CHM: variants seen among roughly 807,000 people sequenced by gnomAD.
The protein encoded by CHM is rab proteins geranylgeranyltransferase component A 1.
In CHM, 10 loss-of-function variants were observed where a neutral mutation model predicts 49.0. That is an observed-to-expected ratio of 0.20 (90% CI 0.13 to 0.35). The LOEUF is 0.35. Ranked by LOEUF, CHM falls within the 10% of genes least tolerant of loss-of-function variation. CHM has a pLI of 1.00. For missense variants in CHM, 455 were observed against 478.4 expected (o/e 0.95, Z 0.46); for synonymous variants, 184 against 167.5 (o/e 1.10, Z -0.76).
At chrX:85,978,985 T>G (rs1931447368) in intron 3 of CHM, 94 bp from the exon 4 acceptor site, 2 of 924,964 alleles carry the variant, frequency 2.2e-6, no homozygotes, top group African/African-American at 3.9e-5. Context: ...AAATTCATGC[T>G]TATTTCATCT....
intron 2 of CHM, among the ~76,000 whole-genome samples, chrX:86,004,604 T>G (rs62607860): frequency 0.18 from 19,349 of 110,412 alleles, 1,550 homozygotes; most frequent in Middle Eastern, 0.26. Context: ...AAAAGCAGGG[T>G]TTGCAATTCT....
At chrX:85,948,984 G>A (rs1929569908) in intron 8 of CHM, among the ~76,000 whole-genome samples, 1 of 111,591 alleles carries the variant, frequency 9.0e-6, no homozygotes, top group Non-Finnish European at 1.9e-5. Context: ...GAACTCAAGA[G>A]AATTACCCAG....
intron 2 of CHM, among the ~76,000 whole-genome samples, chrX:86,025,180 A>C (rs895993188): frequency 2.0e-4 from 22 of 111,913 alleles, no homozygotes; most frequent in African/African-American, 6.5e-4. Flanking sequence ...CAAGAGAAGA[A>C]GAAAAGTTTC....
At chrX:85,932,247 T>C (rs745776959) in intron 8 of CHM, among the ~76,000 whole-genome samples, 19 of 111,896 alleles carry the variant, frequency 1.7e-4, no homozygotes, top group Non-Finnish European at 3.0e-4. Flanking sequence ...TAGGCCAATT[T>C]TATTAGTACA....
At chrX:85,947,367 C>T (rs896006379) in intron 8 of CHM, among the ~76,000 whole-genome samples, 4 of 111,825 alleles carry the variant, frequency 3.6e-5, no homozygotes, top group African/African-American at 1.3e-4. Context: ...CACCTTGGTG[C>T]TGCCCTCATG....
At chrX:85,899,560 C>A (rs1569404729) in intron 11 of CHM, among the ~76,000 whole-genome samples, 1 of 109,932 alleles carries the variant, frequency 9.1e-6, no homozygotes, top group Non-Finnish European at 1.9e-5. Flanking sequence ...GATGGAAATC[C>A]TTAAGAAACC....
intron 5 of CHM, among the ~76,000 whole-genome samples, chrX:85,961,500 G>A (rs377502137): frequency 2.3e-4 from 24 of 104,587 alleles, no homozygotes; most frequent in African/African-American, 7.3e-4. Context: ...AAACTTAGAC[G>A]TTTATTAACT....
chrX:85,966,167 T>G lies in CHM; in HGVS notation c.315-2115A>C, dbSNP rs749701957. Among the ~76,000 whole-genome samples, 9 of 110,146 alleles carry G rather than the reference T, an allele frequency of 8.2e-5. No homozygotes were observed. In the East Asian group the frequency reaches 2.6e-3, roughly 31 times the overall value. ...GAGTTCAAGACCAGCCTGACCAACA[T>G]GGTGAAACCTAGTCTCTACTAAAAT... On this transcript the variant is annotated intron_variant, in intron 4 of 14. Coordinates refer to ENST00000357749, the MANE Select transcript of CHM (RefSeq NM_000390.4).
chrX:85,970,414 A>T, intron 4 of CHM: 4 of 753,681 alleles, frequency 5.3e-6, no homozygotes, highest in Non-Finnish European at 6.3e-6. Context: ...GTCTTCACAA[A>T]GGAAATACTT....
chrX:85,946,920 G>A, intron 8 of CHM, among the ~76,000 whole-genome samples: 2 of 112,737 alleles, frequency 1.8e-5, no homozygotes, highest in Middle Eastern at 4.6e-3. Flanking sequence ...AAGGCCTTGG[G>A]AGCCCACTCC....
chrX:85,947,162 T>C (rs1404013306), intron 8 of CHM, among the ~76,000 whole-genome samples: 1 of 112,243 alleles, frequency 8.9e-6, no homozygotes, highest in Non-Finnish European at 1.9e-5. Flanking sequence ...GTGGGGATTA[T>C]TGAAAAGGGA....
intron 14 of CHM, among the ~76,000 whole-genome samples, chrX:85,867,705 G>A (rs886815888): frequency 9.0e-5 from 10 of 111,465 alleles, no homozygotes; most frequent in Middle Eastern, 4.6e-3. Flanking sequence ...CTCAATTTCC[G>A]AGCTTTGGCT....
chrX:85,869,863 T>C (rs749386559), intron 14 of CHM, among the ~76,000 whole-genome samples: 1 of 112,453 alleles, frequency 8.9e-6, no homozygotes, highest in African/African-American at 3.2e-5. Context: ...GCTAATTATA[T>C]TGTGACTTGG....
At chrX:85,996,312 C>T (rs1472850311) in intron 2 of CHM, among the ~76,000 whole-genome samples, 3 of 111,857 alleles carry the variant, frequency 2.7e-5, no homozygotes, top group African/African-American at 9.7e-5. Flanking sequence ...CTAAATTTCT[C>T]ACCCAATTCT....
At chrX:85,972,045 TAC>T (rs1250758923) in intron 4 of CHM, among the ~76,000 whole-genome samples, 2 of 110,197 alleles carry the variant, frequency 1.8e-5, no homozygotes, top group Non-Finnish European at 3.8e-5. Context: ...AGCAGCTAGA[TAC>T]AGAGTGTCGA....
chrX:85,990,036 T>C (rs1439195508), intron 2 of CHM, among the ~76,000 whole-genome samples: 2 of 112,117 alleles, frequency 1.8e-5, no homozygotes, highest in Non-Finnish European at 3.8e-5. Flanking sequence ...GACACATGCA[T>C]GCAAATGTTC....
chrX:85,885,261 G>A (rs1453050969), intron 12 of CHM, among the ~76,000 whole-genome samples: 1 of 109,310 alleles, frequency 9.1e-6, no homozygotes, highest in Non-Finnish European at 1.9e-5. Flanking sequence ...TCATCTGCTT[G>A]GATTTATCTA....
At chrX:85,917,017 A>C (rs1055132127) in intron 8 of CHM, among the ~76,000 whole-genome samples, 1 of 112,508 alleles carries the variant, frequency 8.9e-6, no homozygotes, top group Non-Finnish European at 1.9e-5. Flanking sequence ...AGCACTCTTC[A>C]CAACGGCAAA....
chrX:85,985,516 G>T (rs1296200156), intron 2 of CHM, among the ~76,000 whole-genome samples: 2 of 110,548 alleles, frequency 1.8e-5, no homozygotes, highest in Non-Finnish European at 3.8e-5. Context: ...GCCAACCAGG[G>T]ACGGAAGCGG....
Sources: gnomAD v4.1 joint callset for allele counts (sites outside exome capture counted in the v4.1 genomes callset) on GRCh38, gnomAD v4.1.1 for gene constraint, MANE v1.5 for transcripts, NCBI Gene and HGNC (gene_info 2026-07-23, HGNC 2026-07-21) for gene names.